ADCY2: variants seen among roughly 807,000 people sequenced by gnomAD.
ADCY2 encodes adenylate cyclase 2.
In ADCY2, 31 loss-of-function variants were observed where a neutral mutation model predicts 125.2. That is an observed-to-expected ratio of 0.25 (90% CI 0.19 to 0.33). The LOEUF (loss-of-function observed/expected upper bound fraction) is 0.33. ADCY2 is among the 10% of genes least tolerant of loss of function. The probability of loss-of-function intolerance (pLI) is 1.00; values close to 1 mark genes in which losing one functional copy is unlikely to be tolerated. For synonymous variants in ADCY2, 512 were observed against 548.4 expected (o/e 0.93, Z 0.93); for missense variants, 904 against 1,418.2 (o/e 0.64, Z 5.82).
chr5:7,804,040 A>AAGTGAGAGAGAGAGAGAGAG, intron 21 of ADCY2, among the ~76,000 whole-genome samples: 1 of 106,586 alleles, frequency 9.4e-6, no homozygotes, highest in Non-Finnish European at 1.9e-5. Flanking sequence ...GGAGGGGGGA[A>AAGTGAGAGAGAGAGAGAGAG]AGAGAGAGAG....
intron 2 of ADCY2, among the ~76,000 whole-genome samples, chr5:7,420,484 A>C (rs1740157614): frequency 6.6e-6 from 1 of 152,022 alleles, no homozygotes; most frequent in Non-Finnish European, 1.5e-5. Flanking sequence ...TGGAGCGAAA[A>C]AGACCCCAAA....
chr5:7,511,581 GA>G (rs148837281), intron 2 of ADCY2, among the ~76,000 whole-genome samples: 12,945 of 150,390 alleles, frequency 0.086, 768 homozygotes, highest in Non-Finnish European at 0.13. Flanking sequence ...TCTCAAAAAA[GA>G]AAAAAAAATG....
At chr5:7,806,366 C>T (rs1418387484) in intron 22 of ADCY2, among the ~76,000 whole-genome samples, 1 of 151,988 alleles carries the variant, frequency 6.6e-6, no homozygotes, top group Non-Finnish European at 1.5e-5. Context: ...TTCTTACTGC[C>T]TCAGGCTCTA....
At chr5:7,726,737 T>C (rs779001435) in intron 13 of ADCY2, among the ~76,000 whole-genome samples, 1 of 152,202 alleles carries the variant, frequency 6.6e-6, no homozygotes, top group Admixed American at 6.5e-5. Flanking sequence ...TAAATGAATA[T>C]GTCTTGCATT....
At chr5:7,806,849 G>T (rs146788844) in intron 22 of ADCY2, among the ~76,000 whole-genome samples, 78 of 152,232 alleles carry the variant, frequency 5.1e-4, no homozygotes, top group African/African-American at 1.9e-3. Context: ...AGTTCATCTT[G>T]AATTTTTCTG....
intron 3 of ADCY2, among the ~76,000 whole-genome samples, chr5:7,586,764 T>C (rs948036764): frequency 3.9e-5 from 6 of 152,034 alleles, no homozygotes; most frequent in African/African-American, 9.7e-5. Context: ...TAGGTGAGCG[T>C]TGGGGAGTCC....
At chr5:7,785,119 G>A (rs1311711668) in intron 19 of ADCY2, among the ~76,000 whole-genome samples, 4 of 152,212 alleles carry the variant, frequency 2.6e-5, no homozygotes, top group African/African-American at 7.2e-5. Flanking sequence ...TCTATGAAGC[G>A]TGGTGTGAAA....
intron 2 of ADCY2, among the ~76,000 whole-genome samples, chr5:7,431,118 A>C (rs1453773102): frequency 1.3e-5 from 2 of 152,180 alleles, no homozygotes; most frequent in Non-Finnish European, 2.9e-5. Context: ...GGACATGGAG[A>C]TCTTACCCTA....
chr5:7,676,657 G>A (rs1740136970), intron 4 of ADCY2, among the ~76,000 whole-genome samples: 1 of 152,286 alleles, frequency 6.6e-6, no homozygotes, highest in East Asian at 1.9e-4. Flanking sequence ...GCATTTCTAA[G>A]AATTATTTGC....
At chr5:7,405,721 C>A (rs968576244) in intron 1 of ADCY2, among the ~76,000 whole-genome samples, 3 of 152,206 alleles carry the variant, frequency 2.0e-5, no homozygotes, top group African/African-American at 7.2e-5. Context: ...TACACATGGG[C>A]ATGATACAGG....
intron 7 of ADCY2, among the ~76,000 whole-genome samples, chr5:7,702,659 G>A (rs1469908676): frequency 1.3e-5 from 2 of 152,184 alleles, no homozygotes; most frequent in Non-Finnish European, 2.9e-5. Context: ...CCAAGTCTTT[G>A]CTATTGTGAA....
intron 4 of ADCY2, among the ~76,000 whole-genome samples, chr5:7,673,749 G>A (rs1740020272): frequency 6.6e-6 from 1 of 152,194 alleles, no homozygotes. Context: ...GGGGGACAGG[G>A]GAAGCTGAGA....
chr5:7,484,701 C>T (rs977541991), intron 2 of ADCY2, among the ~76,000 whole-genome samples: 4 of 152,118 alleles, frequency 2.6e-5, no homozygotes, highest in African/African-American at 9.7e-5. Context: ...TGTGGCTCTC[C>T]GATCTTGGGC....
intron 4 of ADCY2, among the ~76,000 whole-genome samples, chr5:7,640,739 C>T (rs1738672836): frequency 6.6e-6 from 1 of 151,900 alleles, no homozygotes; most frequent in South Asian, 2.1e-4. Flanking sequence ...TCAAGAATAT[C>T]ATTATGCAGA....
At chr5:7,786,933 C>T (rs1043299702) in intron 19 of ADCY2, among the ~76,000 whole-genome samples, 14 of 152,194 alleles carry the variant, frequency 9.2e-5, no homozygotes, top group Admixed American at 2.6e-4. Context: ...AATCCCAGAA[C>T]CGCACTTGAG....
intron 2 of ADCY2, among the ~76,000 whole-genome samples, chr5:7,454,241 A>C (rs56684860): frequency 0.018 from 2,816 of 152,308 alleles, 83 homozygotes; most frequent in African/African-American, 0.064. Context: ...CTCAGTTAAC[A>C]GCATTTTTAG....
intron 4 of ADCY2, among the ~76,000 whole-genome samples, chr5:7,649,372 G>C (rs927633421): frequency 6.6e-6 from 1 of 152,148 alleles, no homozygotes; most frequent in Admixed American, 6.5e-5. Context: ...CATTAAACAT[G>C]GTAAACTTAA....
chr5:7,699,115 TGAGACGGAGTCTC>T (rs1740994850), intron 7 of ADCY2, among the ~76,000 whole-genome samples: 1 of 112,604 alleles, frequency 8.9e-6, no homozygotes, highest in South Asian at 2.9e-4. Context: ...TTTTTTTTTT[TGAGACGGAGTCTC>T]GCTCTGTCGC....
intron 14 of ADCY2, among the ~76,000 whole-genome samples, chr5:7,736,793 T>C (rs577028211): frequency 6.6e-6 from 1 of 152,266 alleles, no homozygotes; most frequent in South Asian, 2.1e-4. Context: ...CAAGAATCCA[T>C]TATTTAAACT....
Sources: gnomAD v4.1 joint callset for allele counts (sites outside exome capture counted in the v4.1 genomes callset) on GRCh38, gnomAD v4.1.1 for gene constraint, MANE v1.5 for transcripts, NCBI Gene and HGNC (gene_info 2026-07-23, HGNC 2026-07-21) for gene names.